ANTXR2: variants seen among roughly 807,000 people sequenced by gnomAD.
ANTXR2 encodes the protein ANTXR cell adhesion molecule 2.
ANTXR2 carries 44 observed loss-of-function variants against 73.7 expected under a neutral mutation model. The observed-to-expected ratio is 0.60, with a 90% CI of 0.47 to 0.77. The LOEUF is 0.77. Among genes scored for constraint, ANTXR2 ranks in the 30% least tolerant of loss-of-function variants. The pLI is 0.00. For missense variants in ANTXR2, 604 were observed against 592.5 expected, an observed-to-expected ratio of 1.02 and a Z score of -0.20; for synonymous variants, 217 against 205.9, an observed-to-expected ratio of 1.05 and a Z score of -0.46.
At chr4:80,065,222 A>T (rs1240004475) in intron 3 of ANTXR2, among the ~76,000 whole-genome samples, 1 of 152,198 alleles carries the variant, frequency 6.6e-6, no homozygotes, top group Non-Finnish European at 1.5e-5. Flanking sequence ...ATCCCCAATT[A>T]TGCAAAATAA....
At chr4:79,921,367 C>T (rs746366486) in intron 16 of ANTXR2, among the ~76,000 whole-genome samples, 33 of 152,070 alleles carry the variant, frequency 2.2e-4, no homozygotes, top group Middle Eastern at 6.8e-3. Flanking sequence ...ATTAAATCCT[C>T]ACTTTTAGGA....
chr4:79,979,405 A>G (rs78131117), intron 14 of ANTXR2, among the ~76,000 whole-genome samples: 2 of 148,024 alleles, frequency 1.4e-5, no homozygotes, highest in East Asian at 2.0e-4. Context: ...TTCTAAAAAG[A>G]AAAAAAAAAA....
intron 16 of ANTXR2, among the ~76,000 whole-genome samples, chr4:79,946,434 G>A (rs1172789711): frequency 2.0e-5 from 3 of 152,170 alleles, no homozygotes; most frequent in Admixed American, 6.5e-5. Flanking sequence ...AGCCAATCCC[G>A]GGTAAGCTCT....
At chr4:79,974,618 T>A (rs1356291894) in intron 16 of ANTXR2, among the ~76,000 whole-genome samples, 1 of 151,908 alleles carries the variant, frequency 6.6e-6, no homozygotes, top group Non-Finnish European at 1.5e-5. Context: ...AATGTCTGAA[T>A]AATATGATTA....
chr4:79,923,366 T>C (rs1296160819), intron 16 of ANTXR2, among the ~76,000 whole-genome samples: 1 of 152,144 alleles, frequency 6.6e-6, no homozygotes, highest in Non-Finnish European at 1.5e-5. Flanking sequence ...GCAAAAGTCT[T>C]CCTGGCTTAT....
intron 16 of ANTXR2, among the ~76,000 whole-genome samples, chr4:79,951,886 T>A (rs938949797): frequency 2.0e-5 from 3 of 152,050 alleles, no homozygotes; most frequent in South Asian, 2.1e-4. Context: ...TTTTGTGTAA[T>A]CTCTTCTGTT....
intron 16 of ANTXR2, among the ~76,000 whole-genome samples, chr4:79,945,748 AG>A (rs1465633274): frequency 6.6e-6 from 1 of 152,166 alleles, no homozygotes; most frequent in Non-Finnish European, 1.5e-5. Context: ...AGAGTCAGAA[AG>A]GTCTAAATTA....
At chr4:79,973,259 T>C (rs1729500205) in intron 16 of ANTXR2, among the ~76,000 whole-genome samples, 1 of 152,228 alleles carries the variant, frequency 6.6e-6, no homozygotes, top group African/African-American at 2.4e-5. Flanking sequence ...GAAAGCTATT[T>C]CACTAAAGTA....
intron 11 of ANTXR2, among the ~76,000 whole-genome samples, chr4:80,016,315 T>C (rs1731868079): frequency 6.6e-6 from 1 of 152,076 alleles, no homozygotes. Flanking sequence ...CTCCTCTCAA[T>C]TTCGTCAACA....
intron 16 of ANTXR2, among the ~76,000 whole-genome samples, chr4:79,910,583 T>C (rs1403434628): frequency 1.3e-5 from 2 of 150,338 alleles, no homozygotes; most frequent in Non-Finnish European, 3.0e-5. Flanking sequence ...TTGTTATCCA[T>C]ATTCCCTCTA....
At chr4:80,004,466 G>A (rs1731208015) in intron 12 of ANTXR2, among the ~76,000 whole-genome samples, 1 of 147,576 alleles carries the variant, frequency 6.8e-6, no homozygotes, top group Non-Finnish European at 1.5e-5. Context: ...TTAAAAATCA[G>A]GTGTTGGCCA....
rs116519688 is a variant in ANTXR2, at chr4:80,016,016, G to A, written c.945+2882C>T. Among the ~76,000 whole-genome samples the A allele has an allele frequency of 3.8e-3, 579 of 150,990 alleles. 5 individuals are homozygous for A. The highest frequency in any genetic ancestry group is 0.014 in the African/African-American group (555 of 40,926). On this transcript the variant is annotated intron_variant, in intron 11 of 16. Transcript: ENST00000403729. ...AGGAAAGGAAAGGAGGGAGAGGTCG[G>A]TCCTGACAAATGAAGTGTATTTCCT...
chr4:80,010,073 G>A (rs1361801720), intron 11 of ANTXR2, among the ~76,000 whole-genome samples: 2 of 150,604 alleles, frequency 1.3e-5, no homozygotes, highest in Admixed American at 6.6e-5. Context: ...AAAAAATTCA[G>A]GGAAGAAAAG....
intron 12 of ANTXR2, among the ~76,000 whole-genome samples, chr4:79,989,329 A>G (rs1361684142): frequency 1.3e-5 from 2 of 152,074 alleles, no homozygotes; most frequent in Non-Finnish European, 2.9e-5. Context: ...CCAAAGAAAT[A>G]CAAGAACTCT....
chr4:80,039,756 C>A (rs1399740272), intron 7 of ANTXR2, among the ~76,000 whole-genome samples: 1 of 151,874 alleles, frequency 6.6e-6, no homozygotes, highest in African/African-American at 2.4e-5. Context: ...GTTATTTGAC[C>A]CAGCAATCCC....
intron 12 of ANTXR2, among the ~76,000 whole-genome samples, chr4:79,990,916 A>G (rs1369604046): frequency 6.6e-6 from 1 of 152,100 alleles, no homozygotes; most frequent in African/African-American, 2.4e-5. Flanking sequence ...TATGTGGAAG[A>G]CTGAAACTAA....
Position 80,020,851 on chromosome 4 carries a change from G to A in ANTXR2, c.867-1875C>T, listed in dbSNP as rs192671296. Among the ~76,000 whole-genome samples the A allele has an allele frequency of 1.9e-4, 29 of 152,242 alleles. No homozygotes were observed. In the East Asian group the frequency reaches 5.4e-3, roughly 28 times the overall value. On this transcript the variant is annotated intron_variant, in intron 10 of 16. Transcript: ENST00000403729. ...TTCTGTGTAAAGTATTTACTTCAAA[G>A]CATCTTGTTTAAAAAGATGGTTTAG... is the stretch of plus-strand genomic sequence containing the variant.
chr4:79,925,330 TA>T (rs35420567), intron 16 of ANTXR2, among the ~76,000 whole-genome samples: 32,769 of 148,540 alleles, frequency 0.22, 4,478 homozygotes, highest in East Asian at 0.69. Flanking sequence ...CCTTAGATAA[TA>T]AAAAAAAATT....
intron 16 of ANTXR2, among the ~76,000 whole-genome samples, chr4:79,918,285 A>C (rs1276364247): frequency 4.4e-4 from 67 of 152,098 alleles, no homozygotes; most frequent in Admixed American, 4.4e-3. Context: ...GGGGCTAAAA[A>C]ACTACTTGAA....
Sources: allele counts gnomAD v4.1 joint callset (sites outside exome capture counted in the v4.1 genomes callset), GRCh38; gene constraint gnomAD v4.1.1; transcripts MANE v1.5; gene names NCBI Gene and HGNC (gene_info 2026-07-23, HGNC 2026-07-21).